Variants in ACSM4 observed in about 807,000 individuals in gnomAD.
ACSM4 encodes acyl-coenzyme A synthetase ACSM4, mitochondrial.
ACSM4 carries 66 observed loss-of-function variants against 73.0 expected under a neutral mutation model. That is an observed-to-expected ratio of 0.90 (90% CI 0.74 to 1.11). The LOEUF (loss-of-function observed/expected upper bound fraction) is 1.11, where lower values mean the gene tolerates loss of function less well. Ranked by LOEUF, ACSM4 falls within the 50% of genes least tolerant of loss-of-function variation. ACSM4 has a pLI of 0.00. For synonymous variants in ACSM4, 222 were observed against 254.0 expected (o/e 0.87, Z 1.20); for missense variants, 645 against 714.4 (o/e 0.90, Z 1.11).
Position 7,310,570 on chromosome 12 carries a change from G to C in ACSM4, c.444G>C (p.Leu148=). 1 of 1,610,136 alleles carries C rather than the reference G, an allele frequency of 6.2e-7. No homozygotes were observed. Among genetic ancestry groups the C allele is most frequent in the Non-Finnish European group, 8.5e-7 (1 of 1,178,754 alleles). ...GIIFMPGTIQ[L]TAKDILYRLR... Reference sequence around the variant, plus strand: ...TCTTCATGCCGGGAACAATCCAGCTGACAGCAAAAGACATCCTCTACCGGC... The same window carrying C: ...TCTTCATGCCGGGAACAATCCAGCTCACAGCAAAAGACATCCTCTACCGGC... Residue 148 remains leucine, a synonymous_variant, in exon 3 of 13, where the codon CTG becomes CTC. Transcript: ENST00000399422.
At chr12:7,310,231 G>A (rs1210581966) in intron 2 of ACSM4, among the ~76,000 whole-genome samples, 1 of 152,176 alleles carries the variant, frequency 6.6e-6, no homozygotes, top group Non-Finnish European at 1.5e-5. Context: ...TATAATGTCT[G>A]CTCAGACACT....
Position 7,304,438 on chromosome 12 carries a change from C to A in ACSM4, c.107C>A (p.Ala36Asp), listed in dbSNP as rs750165848. The change falls in exon 1 of 13, where the codon GCT becomes GAT. Residue 36 changes from alanine to aspartate, a missense_variant. Physicochemically the swap from Ala to Asp is moderately radical, Grantham distance 126. Coordinates refer to ENST00000399422, the MANE Select transcript of ACSM4 (RefSeq NM_001080454.2). ...DHQLWTPLTL[A>D]DFEAINRCNR... ...CAGCTTTGGACGCCTCTGACTCTTG[C>A]TGACTTTGAAGCCATAAATCGCTGT... The A allele has an allele frequency of 6.2e-7, 1 of 1,614,000 alleles. No individual in the cohort carries two copies. Among genetic ancestry groups the A allele is most frequent in the Non-Finnish European group, 8.5e-7 (1 of 1,179,864 alleles).
At chr12:7,318,223 T>C (rs1946435974) in intron 5 of ACSM4, 41 bp downstream of exon 5, 1 of 1,590,124 alleles carries the variant, frequency 6.3e-7, no homozygotes, top group African/African-American at 1.4e-5. Context: ...TTAGAGTTCT[T>C]CCTTGTTTCC....
At chr12:7,327,401 T>A in intron 12 of ACSM4, among the ~76,000 whole-genome samples, 1 of 152,280 alleles carries the variant, frequency 6.6e-6, no homozygotes, top group East Asian at 1.9e-4. Flanking sequence ...TGCCTTGTTT[T>A]TAGGGACAGT....
intron 4 of ACSM4, 26 bp downstream of exon 4, chr12:7,317,306 T>C (rs1248974545): frequency 1.9e-6 from 3 of 1,538,678 alleles, no homozygotes; most frequent in Non-Finnish European, 2.6e-6. Context: ...CAGTTTGTTT[T>C]TGGTGAACTC....
intron 3 of ACSM4, among the ~76,000 whole-genome samples, chr12:7,312,594 C>T (rs547336311): frequency 5.8e-4 from 89 of 152,296 alleles, no homozygotes; most frequent in Non-Finnish European, 1.1e-3. Flanking sequence ...AAGGGCCACA[C>T]CAGTGAATAC....
At chr12:7,317,635 T>G (rs1376667726) in intron 4 of ACSM4, among the ~76,000 whole-genome samples, 1 of 152,224 alleles carries the variant, frequency 6.6e-6, no homozygotes, top group Non-Finnish European at 1.5e-5. Context: ...CTACTTGAAA[T>G]AATTACATTT....
chr12:7,315,046 A>G (rs773198136), intron 3 of ACSM4, among the ~76,000 whole-genome samples: 3 of 152,076 alleles, frequency 2.0e-5, no homozygotes, highest in Non-Finnish European at 2.9e-5. Context: ...AAATACAAAA[A>G]TTAGCTGGGC....
At chr12:7,318,367 T>C (rs1346542064) in intron 5 of ACSM4, 185 bp downstream of exon 5, 3 of 633,750 alleles carry the variant, frequency 4.7e-6, no homozygotes, top group Non-Finnish European at 5.1e-6. Context: ...GGGGAACAAC[T>C]GCAACACTCT....
chr12:7,310,431 G>A (rs1946383709), intron 2 of ACSM4, 108 bp from the exon 3 acceptor site: 1 of 1,072,710 alleles, frequency 9.3e-7, no homozygotes, highest in Admixed American at 2.1e-5. Flanking sequence ...AGGTAGCTGA[G>A]GTAGCTGAAG....
chr12:7,326,204 CTTTGTTTTGTTT>C (rs1418798750), intron 11 of ACSM4, among the ~76,000 whole-genome samples: 1 of 151,986 alleles, frequency 6.6e-6, no homozygotes, highest in Non-Finnish European at 1.5e-5. Flanking sequence ...TGGCTTTTGG[CTTTGTTTTGTTT>C]TTTTGAGATG....
At chr12:7,307,002 C>G (rs755070227) in intron 2 of ACSM4, among the ~76,000 whole-genome samples, 1 of 152,264 alleles carries the variant, frequency 6.6e-6, no homozygotes, top group South Asian at 2.1e-4. Context: ...CGCCTGTAAG[C>G]CCAGTACTTT....
chr12:7,310,393 T>C, intron 2 of ACSM4, 146 bp from the exon 3 acceptor site: 1 of 742,492 alleles, frequency 1.3e-6, no homozygotes, highest in Non-Finnish European at 2.2e-6. Flanking sequence ...ATCAGGGTCC[T>C]GTGCAATATC....
chr12:7,327,878 CTG>C (rs1463536264), intron 12 of ACSM4, among the ~76,000 whole-genome samples: 1 of 152,092 alleles, frequency 6.6e-6, no homozygotes, highest in Non-Finnish European at 1.5e-5. Flanking sequence ...GAAGGGAAAA[CTG>C]TATATACTCC....
chr12:7,316,145 T>C (rs1340892875), intron 3 of ACSM4, among the ~76,000 whole-genome samples: 4 of 152,196 alleles, frequency 2.6e-5, no homozygotes, highest in African/African-American at 9.6e-5. Context: ...GGATAACTAA[T>C]ACAATATCTA....
chr12:7,310,647 C>T lies in ACSM4; in HGVS notation c.521C>T (p.Ala174Val), dbSNP rs377589765. Residue 174 changes from alanine (A) to valine (V), a missense_variant, in exon 3 of 13, where the codon GCG becomes GTG. Transcript: ENST00000399422. ...CIVASEEVAP[A>V]VESIVLECPD... ...GTGGCCAGTGAGGAGGTGGCCCCAG[C>T]GGTGGAGTCCATTGTATTGGAGTGT... The T allele has an allele frequency of 1.3e-5, 21 of 1,613,022 alleles. No individual in the cohort carries two copies. Among genetic ancestry groups the T allele is most frequent in the East Asian group, 4.5e-5 (2 of 44,818 alleles).
chr12:7,315,590 C>T (rs775362505), intron 3 of ACSM4, among the ~76,000 whole-genome samples: 19 of 151,738 alleles, frequency 1.3e-4, no homozygotes, highest in African/African-American at 3.4e-4. Context: ...CCAGCCTGGG[C>T]GACAGAGTGA....
chr12:7,312,359 T>C (rs1946395963), intron 3 of ACSM4, among the ~76,000 whole-genome samples: 1 of 152,152 alleles, frequency 6.6e-6, no homozygotes, highest in Non-Finnish European at 1.5e-5. Context: ...AATGAATATG[T>C]GAGAAAGTGT....
Position 7,317,276 on chromosome 12 carries a change from G to T in ACSM4, c.760G>T (p.Gly254Ter). 1 of 1,554,158 alleles carries T rather than the reference G, an allele frequency of 6.4e-7. No homozygotes were observed. Among genetic ancestry groups the T allele is most frequent in the Non-Finnish European group, 8.7e-7 (1 of 1,149,914 alleles). ...CCTCGGCATTGGGTTCACCCTCTGC[G>T]GAAGGTAGGGAAGAAAATTCAGTTT... The part of the protein sequence containing the change: ...SSLGIGFTLC[G>*]RYWLDLKSSD... Residue 254 changes from glycine to a stop codon, truncating the protein, a stop_gained, in exon 4 of 13, where the codon GGA (glycine) becomes TGA (stop). Transcript: ENST00000399422. LOFTEE classifies it high-confidence loss of function.
Sources: gnomAD v4.1 joint callset for allele counts (sites outside exome capture counted in the v4.1 genomes callset) on GRCh38, gnomAD v4.1.1 for gene constraint, MANE v1.5 for transcripts, NCBI Gene and HGNC (gene_info 2026-07-23, HGNC 2026-07-21) for gene names.